Variants in KLHL1 observed in about 807,000 individuals in gnomAD.
KLHL1 encodes kelch-like protein 1.
KLHL1 carries 47 observed loss-of-function variants against 77.7 expected under a neutral mutation model. The ratio of observed to expected loss-of-function variants is 0.60; its 90% confidence interval spans 0.48 to 0.77. The LOEUF (loss-of-function observed/expected upper bound fraction) is 0.77. Ranked by LOEUF, KLHL1 falls within the 30% of genes least tolerant of loss-of-function variation. KLHL1 has a pLI of 0.00. For synonymous variants in KLHL1, 360 were observed against 325.2 expected (o/e 1.11, Z -1.15); for missense variants, 925 against 910.8 (o/e 1.02, Z -0.20).
intron 1 of KLHL1, among the ~76,000 whole-genome samples, chr13:70,091,166 C>T (rs1202955233): frequency 6.6e-6 from 1 of 151,976 alleles, no homozygotes; most frequent in African/African-American, 2.4e-5. Flanking sequence ...TCTGCTTCAG[C>T]TTTTTTCCTC....
chr13:69,911,580 A>G (rs1436887425), intron 4 of KLHL1, among the ~76,000 whole-genome samples: 1 of 151,820 alleles, frequency 6.6e-6, no homozygotes, highest in Non-Finnish European at 1.5e-5. Context: ...AAAAAAAAAA[A>G]AAAGCCCAAA....
At chr13:69,978,073 C>A (rs188783776) in intron 1 of KLHL1, among the ~76,000 whole-genome samples, 1 of 152,212 alleles carries the variant, frequency 6.6e-6, no homozygotes, top group Admixed American at 6.5e-5. Context: ...TCGCAAATTA[C>A]AACCCCAGAA....
intron 4 of KLHL1, among the ~76,000 whole-genome samples, chr13:69,936,462 G>A (rs1341636663): frequency 6.6e-6 from 1 of 151,940 alleles, no homozygotes; most frequent in Non-Finnish European, 1.5e-5. Flanking sequence ...GGTGACAGGT[G>A]CCTGTAGTCC....
intron 1 of KLHL1, among the ~76,000 whole-genome samples, chr13:70,073,556 A>AT (rs1491329345): frequency 1.4e-5 from 1 of 72,352 alleles, no homozygotes; most frequent in East Asian, 8.8e-4. Flanking sequence ...TTAAAGTGTA[A>AT]TAAAAAAAAA....
intron 6 of KLHL1, among the ~76,000 whole-genome samples, chr13:69,803,906 A>T (rs1247815309): frequency 6.6e-6 from 1 of 152,198 alleles, no homozygotes; most frequent in Non-Finnish European, 1.5e-5. Flanking sequence ...TCCAGATAAG[A>T]ATATAGCCTA....
intron 7 of KLHL1, 82 bp from the exon 8 acceptor site, chr13:69,740,638 CATGTTAAGTGTCCCTAACATAATAAA>C: frequency 1.0e-6 from 1 of 957,462 alleles, no homozygotes; most frequent in Non-Finnish European, 1.5e-6. Context: ...GGGTAGATCT[CATGTTAAGTGTCCCTAACATAATAAA>C]ATGAAAAAAA....
At chr13:69,875,036 T>C (rs1880714134) in intron 5 of KLHL1, among the ~76,000 whole-genome samples, 1 of 152,084 alleles carries the variant, frequency 6.6e-6, no homozygotes, top group Non-Finnish European at 1.5e-5. Flanking sequence ...CCACCAAAAA[T>C]ATAGTGTCCT....
chr13:69,985,835 T>A lies in KLHL1; in HGVS notation c.498-10033A>T, dbSNP rs1490127546. Among the ~76,000 whole-genome samples the A allele has an allele frequency of 1.0e-4, 14 of 135,622 alleles. No homozygotes were observed. The South Asian group carries it at 3.1e-3, about 30-fold the overall frequency. 89.0% of individuals were successfully genotyped at this position (135,622 alleles called of 152,430 possible). A position where few individuals can be genotyped will look rare whatever the true frequency, so the allele number is the denominator to read the frequency against. ...TATTATATATTATATATATATCTTA[T>A]GTGTGTGTATAGATATATATATACA... On this transcript the variant is annotated intron_variant, in intron 1 of 10. Transcript: ENST00000377844.
In KLHL1 at chr13:69,949,387, A is replaced by C. The variant is rs937044330; in HGVS notation, c.818-9151T>G. On this transcript the variant is annotated intron_variant, in intron 3 of 10. Coordinates refer to ENST00000377844, the MANE Select transcript of KLHL1 (RefSeq NM_020866.3). ...TTAATATTTCATAAAATGTTCTTCG[A>C]TTGATATTTTGCTGATTATTAGACT... 6.6e-5 allele frequency among the ~76,000 whole-genome samples: 10 copies of C among 151,494 alleles called. No homozygotes were observed. In the Admixed American group the frequency reaches 6.6e-4, roughly 10 times the overall value.
At chr13:69,735,859 A>G (rs1873740996) in intron 8 of KLHL1, among the ~76,000 whole-genome samples, 1 of 152,002 alleles carries the variant, frequency 6.6e-6, no homozygotes, top group African/African-American at 2.4e-5. Flanking sequence ...TTAGAGGATA[A>G]CTAACTAAAA....
At chr13:70,077,834 T>C (rs1259218117) in intron 1 of KLHL1, among the ~76,000 whole-genome samples, 1 of 152,066 alleles carries the variant, frequency 6.6e-6, no homozygotes. Context: ...AAAAATAATA[T>C]CTTATCCAAT....
At chr13:69,857,468 G>T (rs2138144951) in intron 5 of KLHL1, among the ~76,000 whole-genome samples, 1 of 152,072 alleles carries the variant, frequency 6.6e-6, no homozygotes, top group South Asian at 2.1e-4. Flanking sequence ...CTAGCAAAAG[G>T]TCTGCCACAG....
intron 1 of KLHL1, among the ~76,000 whole-genome samples, chr13:70,029,111 T>TGCAA (rs1340215806): frequency 2.0e-5 from 3 of 152,180 alleles, no homozygotes; most frequent in African/African-American, 4.8e-5. Flanking sequence ...TTGTCACCAT[T>TGCAA]CTGTGTTGAG....
At chr13:69,839,823 GTC>G (rs1879170909) in intron 5 of KLHL1, among the ~76,000 whole-genome samples, 1 of 151,926 alleles carries the variant, frequency 6.6e-6, no homozygotes, top group South Asian at 2.1e-4. Context: ...ATAGGTTATT[GTC>G]TCTGCAAATT....
chr13:69,876,673 T>G (rs955972931), intron 5 of KLHL1, among the ~76,000 whole-genome samples: 1 of 152,182 alleles, frequency 6.6e-6, no homozygotes, highest in African/African-American at 2.4e-5. Context: ...CATTGCTATA[T>G]ATTTCCCTTA....
At chr13:69,828,991 G>A (rs1269630865) in intron 6 of KLHL1, among the ~76,000 whole-genome samples, 2 of 150,440 alleles carry the variant, frequency 1.3e-5, no homozygotes, top group Middle Eastern at 3.5e-3. Context: ...AATGAAAGAC[G>A]TAATCTCTTA....
At chr13:69,901,233 A>G (rs1046532357) in intron 4 of KLHL1, among the ~76,000 whole-genome samples, 2 of 152,230 alleles carry the variant, frequency 1.3e-5, no homozygotes, top group Admixed American at 1.3e-4. Context: ...AAAACAGAAA[A>G]AAAATGAAAA....
chr13:69,934,988 ATG>A lies in KLHL1; in HGVS notation c.1014+5050_1014+5051del, dbSNP rs1017775148. 3.7e-4 allele frequency among the ~76,000 whole-genome samples: 49 copies of A among 133,362 alleles called. 1 individual carries two copies. Among genetic ancestry groups the A allele is most frequent in the African/African-American group, 1.5e-3 (47 of 31,756 alleles). The allele number at this position is 133,362 out of a possible 152,430, so 87.5% of individuals were successfully genotyped here. A position where few individuals can be genotyped will look rare whatever the true frequency, so the allele number is the denominator to read the frequency against. On this transcript the variant is annotated intron_variant, in intron 4 of 10. Transcript: ENST00000377844. ...TATATATATATATATATATATATATATGTATATATATACATATTATCATTATA... is the reference window on the plus strand; with the variant it reads ...TATATATATATATATATATATATATATATATATATACATATTATCATTATA...
At chr13:69,855,917 A>T (rs1343685441) in intron 5 of KLHL1, among the ~76,000 whole-genome samples, 4 of 140,256 alleles carry the variant, frequency 2.9e-5, no homozygotes, top group African/African-American at 1.1e-4. Context: ...ATTATATGTT[A>T]TAACATATTA....
Sources: allele counts gnomAD v4.1 joint callset (sites outside exome capture counted in the v4.1 genomes callset), GRCh38; gene constraint gnomAD v4.1.1; transcripts MANE v1.5; gene names NCBI Gene and HGNC (gene_info 2026-07-23, HGNC 2026-07-21).